The following ZNF100 variants were observed in gnomAD, a reference collection of about 807,000 sequenced individuals.
ZNF100 encodes the protein zinc finger protein 100.
Under a neutral mutation model 15.8 loss-of-function variants are expected in ZNF100, and 12 were observed. The ratio of observed to expected loss-of-function variants is 0.76; its 90% CI spans 0.49 to 1.23. The LOEUF (loss-of-function observed/expected upper bound fraction) is 1.23. Ranked by LOEUF, ZNF100 falls within the 50% of genes most tolerant of loss-of-function variation. The pLI is 0.00. For synonymous variants in ZNF100, 226 were observed against 214.8 expected (o/e 1.05, Z -0.45); for missense variants, 670 against 635.6 (o/e 1.05, Z -0.58).
At chr19:21,734,681 ATCAT>A (rs1328090504) in intron 4 of ZNF100, among the ~76,000 whole-genome samples, 1 of 152,170 alleles carries the variant, frequency 6.6e-6, no homozygotes, top group Non-Finnish European at 1.5e-5. Flanking sequence ...AAGACAGGCC[ATCAT>A]TCAAATTCAG....
chr19:21,728,759 T>C (rs544693654), intron 4 of ZNF100, among the ~76,000 whole-genome samples: 2 of 151,982 alleles, frequency 1.3e-5, no homozygotes, highest in East Asian at 3.9e-4. Context: ...TAAGGCAATA[T>C]GGTTCCATAA....
At chr19:21,761,625 T>G (rs1343784605) in intron 2 of ZNF100, among the ~76,000 whole-genome samples, 6 of 152,078 alleles carry the variant, frequency 3.9e-5, no homozygotes, top group Non-Finnish European at 8.8e-5. Context: ...TAATTATTCT[T>G]GCTACACTTT....
chr19:21,745,189 A>C (rs192819665), intron 2 of ZNF100, 122 bp from the exon 3 acceptor site: 1,161 of 1,416,532 alleles, frequency 8.2e-4, no homozygotes, highest in Non-Finnish European at 8.1e-4. Flanking sequence ...TAGAAATGAC[A>C]AATTTTCCAA....
intron 4 of ZNF100, among the ~76,000 whole-genome samples, chr19:21,735,749 G>A (rs2035997956): frequency 6.6e-6 from 1 of 152,060 alleles, no homozygotes; most frequent in Non-Finnish European, 1.5e-5. Flanking sequence ...AATGCTAAAG[G>A]GATCAATTCA....
intron 4 of ZNF100, among the ~76,000 whole-genome samples, chr19:21,734,762 T>C (rs1319273391): frequency 1.3e-5 from 2 of 152,046 alleles, no homozygotes; most frequent in African/African-American, 4.8e-5. Context: ...AATTATCAGA[T>C]TATTCAAGTT....
chr19:21,726,446 T>A lies in ZNF100; in HGVS notation c.*237A>T. ...AACTTTATCACATTCTTCACATTTC[T>A]AGGATTTCTCAACACTATGATTTAT... On this transcript the variant is annotated 3_prime_UTR_variant, in exon 5 of 5. Transcript: ENST00000358296. 2.1e-6 allele frequency: 1 copy of A among 473,002 alleles called. No individual in the cohort carries two copies. Among genetic ancestry groups the A allele is most frequent in the Non-Finnish European group, 3.7e-6 (1 of 269,908 alleles). The allele number at this position is 473,002 out of a possible 1,614,324, so 29.3% of individuals were successfully genotyped here.
At chr19:21,745,467 G>T (rs2036195274) in intron 2 of ZNF100, among the ~76,000 whole-genome samples, 2 of 151,480 alleles carry the variant, frequency 1.3e-5, no homozygotes, top group African/African-American at 4.8e-5. Context: ...ATCTTGTGCA[G>T]ATTTTTTTTC....
At chr19:21,758,669 A>T (rs996446315) in intron 2 of ZNF100, among the ~76,000 whole-genome samples, 16 of 152,138 alleles carry the variant, frequency 1.1e-4, no homozygotes, top group East Asian at 5.8e-4. Context: ...AAATACTAGG[A>T]TCCACAACGC....
chr19:21,745,817 C>T (rs113507384), intron 2 of ZNF100, among the ~76,000 whole-genome samples: 7,630 of 152,272 alleles, frequency 0.05, 204 homozygotes, highest in African/African-American at 0.073. Flanking sequence ...CCACCACGCC[C>T]GGCCGAGTTT....
chr19:21,746,245 T>C (rs929274645), intron 2 of ZNF100, among the ~76,000 whole-genome samples: 3 of 152,246 alleles, frequency 2.0e-5, no homozygotes, highest in Non-Finnish European at 2.9e-5. Flanking sequence ...AATTCAATCA[T>C]ACAGAAACAT....
At chr19:21,728,032 C>T (rs1252317316) in intron 4 of ZNF100, 43 bp from the exon 5 acceptor site, 3 of 1,430,910 alleles carry the variant, frequency 2.1e-6, no homozygotes, top group Non-Finnish European at 2.7e-6. Flanking sequence ...TTACTAGACA[C>T]AGATAGTTTA....
rs1183033040 is a variant in ZNF100, at chr19:21,725,587, T to C, written c.*1096A>G. Reference sequence around the variant, plus strand: ...TCTCTCATATCTGATGCAGCAACAATTGATCACATGCTTTCACATGTAAAT... The same window carrying C: ...TCTCTCATATCTGATGCAGCAACAACTGATCACATGCTTTCACATGTAAAT... On this transcript the variant is annotated 3_prime_UTR_variant, in exon 5 of 5. Transcript: ENST00000358296. The C allele has an allele frequency of 2.6e-5, 4 of 152,200 alleles. No homozygotes were observed. The highest frequency in any genetic ancestry group is 1.9e-4 in the East Asian group (1 of 5,180). 9.4% of individuals were successfully genotyped at this position (152,200 alleles called of 1,614,324 possible). A position where few individuals can be genotyped will look rare whatever the true frequency, so the allele number is the denominator to read the frequency against.
chr19:21,745,086 G>A lies in ZNF100; in HGVS notation c.97-19C>T. The A allele has an allele frequency of 6.3e-7, 1 of 1,590,104 alleles. No homozygotes were observed. The highest frequency in any genetic ancestry group is 8.6e-7 in the Non-Finnish European group (1 of 1,168,592). ...ATGGCCCCTGAAAAGCACAAGCACAGAGACACACATATATTTACCAAGTGG... is the reference window on the plus strand; with the variant it reads ...ATGGCCCCTGAAAAGCACAAGCACAAAGACACACATATATTTACCAAGTGG... On this transcript the variant is annotated intron_variant, in intron 2 of 4. Coordinates refer to ENST00000358296, the MANE Select transcript of ZNF100 (RefSeq NM_173531.4).
At chr19:21,762,639 T>C (rs1449711794) in intron 2 of ZNF100, among the ~76,000 whole-genome samples, 1 of 152,152 alleles carries the variant, frequency 6.6e-6, no homozygotes, top group Non-Finnish European at 1.5e-5. Context: ...CAGCATGAAG[T>C]AGTAACAGAA....
chr19:21,739,048 G>T (rs1255904918), intron 4 of ZNF100, among the ~76,000 whole-genome samples: 5 of 152,174 alleles, frequency 3.3e-5, no homozygotes, highest in Non-Finnish European at 7.3e-5. Flanking sequence ...AGGCATTTAT[G>T]AGAAATTCGT....
intron 2 of ZNF100, among the ~76,000 whole-genome samples, chr19:21,749,879 T>G (rs2036273409): frequency 6.6e-6 from 1 of 152,224 alleles, no homozygotes; most frequent in African/African-American, 2.4e-5. Context: ...CAAAGTCTTC[T>G]GGCCCTGTCT....
chr19:21,729,418 C>A (rs1406892633), intron 4 of ZNF100, among the ~76,000 whole-genome samples: 3 of 139,616 alleles, frequency 2.1e-5, no homozygotes, highest in Non-Finnish European at 4.6e-5. Context: ...AATAAAAATA[C>A]ATTACTTTCG....
In ZNF100 at chr19:21,744,131, A is replaced by C. The variant is rs775660274; in HGVS notation, c.224-16T>G. On this transcript the variant is annotated splice_polypyrimidine_tract_variant and intron_variant, in intron 3 of 4. Transcript: ENST00000358296. ...GCAATACCTGCTTTATTAGAAATAA[A>C]TAACATGAATCTTTCTCATATTCTC... 6.3e-7 allele frequency: 1 copy of C among 1,579,952 alleles called. No individual in the cohort carries two copies. The highest frequency in any genetic ancestry group is 1.1e-5 in the South Asian group (1 of 87,032).
chr19:21,735,464 A>T (rs1472866466), intron 4 of ZNF100, among the ~76,000 whole-genome samples: 1 of 147,292 alleles, frequency 6.8e-6, no homozygotes, highest in Non-Finnish European at 1.5e-5. Context: ...ACTGCACTCC[A>T]GACTCCAGCC....
Sources: gnomAD v4.1 joint callset for allele counts (sites outside exome capture counted in the v4.1 genomes callset) on GRCh38, gnomAD v4.1.1 for gene constraint, MANE v1.5 for transcripts, NCBI Gene and HGNC (gene_info 2026-07-23, HGNC 2026-07-21) for gene names.